Variants in OVCH1 observed in about 807,000 individuals in gnomAD.
OVCH1 encodes the protein ovochymase-1.
OVCH1 carries 139 observed loss-of-function variants against 138.4 expected under a neutral mutation model. The ratio of observed to expected loss-of-function variants is 1.00; its 90% CI spans 0.87 to 1.16. The LOEUF (loss-of-function observed/expected upper bound fraction) is 1.16. OVCH1 is among the 50% of genes most tolerant of loss of function. The probability of loss-of-function intolerance (pLI) is 0.00; values close to 1 mark genes in which losing one functional copy is unlikely to be tolerated. For synonymous variants in OVCH1, 453 were observed against 467.8 expected, an observed-to-expected ratio of 0.97 and a Z score of 0.41; for missense variants, 1,367 against 1,357.9, an observed-to-expected ratio of 1.01 and a Z score of -0.11.
chr12:29,484,198 T>C (rs1338088779), intron 8 of OVCH1, among the ~76,000 whole-genome samples: 2 of 152,124 alleles, frequency 1.3e-5, no homozygotes, highest in Non-Finnish European at 2.9e-5. Context: ...ATGTAGAAAA[T>C]TCGTAAAATG....
At chr12:29,435,629 C>T (rs993044944) in intron 26 of OVCH1, among the ~76,000 whole-genome samples, 7 of 152,148 alleles carry the variant, frequency 4.6e-5, no homozygotes, top group Admixed American at 2.0e-4. Flanking sequence ...GCTGGGATTA[C>T]AGGCATGAGC....
chr12:29,443,529 A>AT, intron 24 of OVCH1, 29 bp from the exon 25 acceptor site: 1 of 1,561,048 alleles, frequency 6.4e-7, no homozygotes, highest in Non-Finnish European at 8.7e-7. Context: ...AAAGTCAGAA[A>AT]TTATTTCTAA....
chr12:29,436,571 G>A (rs563409790), intron 26 of OVCH1, among the ~76,000 whole-genome samples: 4 of 152,296 alleles, frequency 2.6e-5, no homozygotes, highest in South Asian at 2.1e-4. Flanking sequence ...GAATGAAGCC[G>A]CAGACATTTG....
At chr12:29,474,021 A>G (rs1157491393) in intron 14 of OVCH1, among the ~76,000 whole-genome samples, 1 of 151,540 alleles carries the variant, frequency 6.6e-6, no homozygotes, top group African/African-American at 2.4e-5. Context: ...CAGACAGCCT[A>G]CTGTGGGACC....
exon 20 of OVCH1, chr12:29,455,371 T>G: frequency 6.2e-7 from 1 of 1,613,760 alleles, no homozygotes. Context: ...GGGACCATTT[T>G]CATGTCTACA....
chr12:29,475,297 A>G (rs1201300261), intron 13 of OVCH1, 108 bp from the exon 14 acceptor site: 25 of 918,430 alleles, frequency 2.7e-5, no homozygotes, highest in South Asian at 1.5e-4. Context: ...GTTTTCTCCA[A>G]CTTTGATTTG....
At chr12:29,427,744 A>G in intron 27 of OVCH1, 1 of 1,480,484 alleles carries the variant, frequency 6.8e-7, no homozygotes, top group African/African-American at 1.4e-5. Context: ...CGGGGAAGCC[A>G]GGAGAGTAGC....
the OVCH1 span, among the ~76,000 whole-genome samples, chr12:29,404,500 C>A: frequency 6.6e-6 from 1 of 152,100 alleles, no homozygotes; most frequent in East Asian, 1.9e-4. Flanking sequence ...TGGGCTGATG[C>A]AACAGATCTC....
chr12:29,445,188 T>C, intron 23 of OVCH1, 90 bp downstream of exon 23: 1 of 1,339,484 alleles, frequency 7.5e-7, no homozygotes, highest in Non-Finnish European at 1.0e-6. Context: ...ATAATTTCTT[T>C]CAAAATGTTG....
intron 13 of OVCH1, 99 bp from the exon 14 acceptor site, chr12:29,475,288 T>C: frequency 9.8e-7 from 1 of 1,017,204 alleles, no homozygotes; most frequent in Non-Finnish European, 1.4e-6. Flanking sequence ...ACTACTTTAG[T>C]TTTCTCCAAC....
the OVCH1 span, among the ~76,000 whole-genome samples, chr12:29,404,076 T>A: frequency 1.0e-3 from 154 of 152,350 alleles, 2 homozygotes; most frequent in South Asian, 0.012. Context: ...TGACACTGAA[T>A]ATTTCAGCAC....
chr12:29,443,269 C>A (rs1461617578), intron 25 of OVCH1, 92 bp downstream of exon 25: 14 of 1,283,642 alleles, frequency 1.1e-5, no homozygotes, highest in South Asian at 1.5e-5. Context: ...TAGTGTATGT[C>A]ACATGTAAGC....
chr12:29,468,415 A>G (rs1218960182), intron 16 of OVCH1, among the ~76,000 whole-genome samples: 1 of 152,210 alleles, frequency 6.6e-6, no homozygotes, highest in Non-Finnish European at 1.5e-5. Context: ...CAATTGATTC[A>G]TCAAGTGGAA....
chr12:29,464,504 T>C lies in OVCH1; in HGVS notation c.2125+3A>G, dbSNP rs141227463. On this transcript the variant is annotated splice_donor_region_variant and intron_variant, in intron 18 of 27. Transcript: ENST00000318184. The stretch of plus-strand genomic sequence containing the variant: ...AATGTTTATGCAACAAAAATATGCT[T>C]ACCTGCACTGATGCTTCCCCATCCG... 3.9e-5 allele frequency: 63 copies of C among 1,612,962 alleles called. No individual in the cohort carries two copies. The East Asian group carries it at 1.3e-3, about 34-fold the overall frequency.
Position 29,443,345 on chromosome 12 carries a change from A to G in OVCH1, c.3157+16T>C, listed in dbSNP as rs372896936. ...AGAAAAATCAGTAGCATAGAGATTC[A>G]TGGGAAATCAGTTACCTATTAATTT... On this transcript the variant is annotated intron_variant, in intron 25 of 27. Coordinates refer to ENST00000318184, the Ensembl canonical transcript of OVCH1. The G allele has an allele frequency of 1.2e-6, 2 of 1,607,314 alleles. No individual in the cohort carries two copies. Among genetic ancestry groups the G allele is most frequent in the Admixed American group, 1.7e-5 (1 of 59,218 alleles).
At chr12:29,404,750 C>T in the OVCH1 span, among the ~76,000 whole-genome samples, 6 of 151,902 alleles carry the variant, frequency 3.9e-5, no homozygotes, top group Non-Finnish European at 7.4e-5. Flanking sequence ...CAGCCGGGCG[C>T]GGTGGGTCAC....
intron 22 of OVCH1, among the ~76,000 whole-genome samples, chr12:29,449,135 T>C (rs1442858864): frequency 6.6e-6 from 1 of 151,982 alleles, no homozygotes; most frequent in East Asian, 1.9e-4. Flanking sequence ...TTTTGCTTTA[T>C]TTTTTCATTC....
exon 16 of OVCH1, chr12:29,471,828 A>G: frequency 6.2e-7 from 1 of 1,612,232 alleles, no homozygotes; most frequent in South Asian, 1.1e-5. Flanking sequence ...CTGCGGTCAG[A>G]ATCCACACTG....
chr12:29,467,360 A>G (rs957236669), intron 16 of OVCH1, among the ~76,000 whole-genome samples: 2 of 152,184 alleles, frequency 1.3e-5, no homozygotes, highest in Non-Finnish European at 2.9e-5. Context: ...CTTCAGTTTA[A>G]TGGAGAACAC....
Sources: gnomAD v4.1 joint callset for allele counts (sites outside exome capture counted in the v4.1 genomes callset) on GRCh38, gnomAD v4.1.1 for gene constraint, MANE v1.5 for transcripts, NCBI Gene and HGNC (gene_info 2026-07-23, HGNC 2026-07-21) for gene names.